Variants in GRID2 observed in about 807,000 individuals in gnomAD.
GRID2 encodes glutamate receptor ionotropic, delta-2.
Under a neutral mutation model 114.8 loss-of-function variants are expected in GRID2, and 33 were observed. The observed-to-expected ratio is 0.29, with a 90% confidence interval of 0.22 to 0.38. The LOEUF (loss-of-function observed/expected upper bound fraction) is 0.38, where lower values mean the gene tolerates loss of function less well. Among genes scored for constraint, GRID2 ranks in the 10% least tolerant of loss-of-function variants. The pLI is 1.00. For synonymous variants in GRID2, 505 were observed against 449.9 expected (o/e 1.12, Z -1.55); for missense variants, 1,184 against 1,257.7 (o/e 0.94, Z 0.89).
chr4:92,927,141 T>G (rs1578497299), intron 2 of GRID2, among the ~76,000 whole-genome samples: 1 of 151,932 alleles, frequency 6.6e-6, no homozygotes, highest in Non-Finnish European at 1.5e-5. Flanking sequence ...ATAGTCCAAG[T>G]TGATTATAGC....
chr4:93,087,486 T>G (rs1230843273), intron 3 of GRID2, among the ~76,000 whole-genome samples: 1 of 152,128 alleles, frequency 6.6e-6, no homozygotes, highest in Non-Finnish European at 1.5e-5. Context: ...TTATTACGGG[T>G]GAGATAACTA....
chr4:93,412,156 C>G (rs772148798), intron 9 of GRID2, among the ~76,000 whole-genome samples: 86 of 151,780 alleles, frequency 5.7e-4, no homozygotes, highest in Middle Eastern at 3.4e-3. Flanking sequence ...TGGCTCATGC[C>G]TATAACTCCA....
chr4:92,707,221 A>T (rs1380147844), intron 2 of GRID2, among the ~76,000 whole-genome samples: 2 of 152,190 alleles, frequency 1.3e-5, no homozygotes, highest in Non-Finnish European at 2.9e-5. Context: ...TTATTGATTT[A>T]CATATATGGG....
intron 2 of GRID2, among the ~76,000 whole-genome samples, chr4:92,685,831 C>G (rs942407132): frequency 2.0e-5 from 3 of 151,948 alleles, no homozygotes; most frequent in Non-Finnish European, 2.9e-5. Context: ...AGTCTCTATT[C>G]AACACATTTT....
At chr4:93,790,242 C>A (rs539934600) in intron 1 of GRID2, among the ~76,000 whole-genome samples, 2 of 152,074 alleles carry the variant, frequency 1.3e-5, no homozygotes, top group South Asian at 4.2e-4. Flanking sequence ...CTAACAGATG[C>A]AATAAAAAAA....
chr4:92,867,440 A>T (rs1424456551), intron 2 of GRID2, among the ~76,000 whole-genome samples: 1 of 152,300 alleles, frequency 6.6e-6, no homozygotes, highest in East Asian at 1.9e-4. Context: ...AATTCTAATC[A>T]GAGAAGACAG....
intron 14 of GRID2, among the ~76,000 whole-genome samples, chr4:93,716,295 C>G (rs552200635): frequency 6.6e-6 from 1 of 152,178 alleles, no homozygotes; most frequent in South Asian, 2.1e-4. Flanking sequence ...CTGAGCATTG[C>G]TAGATATTTC....
chr4:92,786,741 C>G (rs1739341053), intron 2 of GRID2, among the ~76,000 whole-genome samples: 1 of 151,902 alleles, frequency 6.6e-6, no homozygotes, highest in Non-Finnish European at 1.5e-5. Flanking sequence ...TTATTACTTA[C>G]TCTGAAGAGG....
At chr4:93,479,717 T>C (rs1348803513) in intron 11 of GRID2, among the ~76,000 whole-genome samples, 1 of 152,036 alleles carries the variant, frequency 6.6e-6, no homozygotes, top group Non-Finnish European at 1.5e-5. Flanking sequence ...TTTTCTCTCC[T>C]TTTTTGTTCT....
At chr4:93,681,374 A>G (rs1171248986) in intron 14 of GRID2, among the ~76,000 whole-genome samples, 2 of 151,616 alleles carry the variant, frequency 1.3e-5, no homozygotes, top group African/African-American at 2.4e-5. Flanking sequence ...TAGAGATTCA[A>G]TGCCATCCTC....
At chr4:92,698,524 A>G (rs1198469745) in intron 2 of GRID2, among the ~76,000 whole-genome samples, 1 of 152,054 alleles carries the variant, frequency 6.6e-6, no homozygotes, top group Non-Finnish European at 1.5e-5. Flanking sequence ...GGGTCATATT[A>G]TGACTTAACT....
intron 8 of GRID2, among the ~76,000 whole-genome samples, chr4:93,365,350 G>A (rs1050179834): frequency 1.3e-5 from 2 of 152,082 alleles, no homozygotes; most frequent in Admixed American, 6.6e-5. Flanking sequence ...TTCTTTCTCA[G>A]ACCTAGAGTT....
At chr4:92,562,924 C>T (rs10516909) in intron 1 of GRID2, among the ~76,000 whole-genome samples, 32,681 of 152,050 alleles carry the variant, frequency 0.21, 3,840 homozygotes, top group South Asian at 0.29. Flanking sequence ...AATTTTACTA[C>T]GGAATCACTT....
intron 1 of GRID2, among the ~76,000 whole-genome samples, chr4:92,532,724 T>C (rs1725413284): frequency 6.6e-6 from 1 of 152,208 alleles, no homozygotes; most frequent in African/African-American, 2.4e-5. Context: ...CATGTAAATG[T>C]AATATGTTTA....
intron 2 of GRID2, among the ~76,000 whole-genome samples, chr4:92,727,235 A>T (rs927245222): frequency 1.3e-5 from 2 of 152,112 alleles, no homozygotes; most frequent in Non-Finnish European, 2.9e-5. Context: ...GTATACAATA[A>T]AAAGACTTAA....
At chr4:93,232,495 A>G (rs970547748) in intron 7 of GRID2, among the ~76,000 whole-genome samples, 2 of 150,728 alleles carry the variant, frequency 1.3e-5, no homozygotes, top group African/African-American at 4.9e-5. Flanking sequence ...TGTTGAGCCC[A>G]ACATATATCA....
intron 14 of GRID2, among the ~76,000 whole-genome samples, chr4:93,730,097 A>G (rs1290594365): frequency 2.0e-5 from 3 of 152,214 alleles, no homozygotes; most frequent in Non-Finnish European, 4.4e-5. Flanking sequence ...CCAAGCAGAT[A>G]TATTTAGTAG....
At chr4:92,759,228 A>G (rs1218046422) in intron 2 of GRID2, among the ~76,000 whole-genome samples, 2 of 152,236 alleles carry the variant, frequency 1.3e-5, no homozygotes, top group African/African-American at 4.8e-5. Context: ...GTAGAGATCC[A>G]TAATATCTCC....
chr4:93,314,751 AC>A (rs1756402637), intron 8 of GRID2, among the ~76,000 whole-genome samples: 1 of 152,026 alleles, frequency 6.6e-6, no homozygotes, highest in Non-Finnish European at 1.5e-5. Flanking sequence ...TCACACACAC[AC>A]ACACACACTA....
Sources: allele counts gnomAD v4.1 joint callset (sites outside exome capture counted in the v4.1 genomes callset), GRCh38; gene constraint gnomAD v4.1.1; transcripts MANE v1.5; gene names NCBI Gene and HGNC (gene_info 2026-07-23, HGNC 2026-07-21).